Variants in PMM2 observed in about 807,000 individuals in gnomAD.
The protein encoded by PMM2 is phosphomannomutase 2.
In PMM2, 35 loss-of-function variants were observed where a neutral mutation model predicts 33.2. The observed-to-expected ratio is 1.06, with a 90% confidence interval of 0.81 to 1.40. The LOEUF is 1.40. Ranked by LOEUF, PMM2 falls within the 40% of genes most tolerant of loss-of-function variation. The probability of loss-of-function intolerance (pLI) is 0.00; values close to 1 mark genes in which losing one functional copy is unlikely to be tolerated. For missense variants in PMM2, 386 were observed against 306.0 expected (o/e 1.26, Z -1.95); for synonymous variants, 153 against 114.7 (o/e 1.33, Z -2.13).
At chr16:8,829,035 T>TG (rs2060794357) in intron 7 of PMM2, among the ~76,000 whole-genome samples, 1 of 152,138 alleles carries the variant, frequency 6.6e-6, no homozygotes, top group Non-Finnish European at 1.5e-5. Context: ...TGGAGTGCAG[T>TG]GGTGCGATCT....
At chr16:8,833,731 G>C (rs1319968880) in intron 7 of PMM2, among the ~76,000 whole-genome samples, 1 of 151,598 alleles carries the variant, frequency 6.6e-6, no homozygotes, top group Non-Finnish European at 1.5e-5. Flanking sequence ...GGTTTTGGAT[G>C]AATTCAGAAA....
chr16:8,818,480 A>G (rs755669649), intron 7 of PMM2, among the ~76,000 whole-genome samples: 5 of 152,158 alleles, frequency 3.3e-5, no homozygotes, highest in Non-Finnish European at 7.3e-5. Context: ...TACACTTTGC[A>G]TTTTCAGTGA....
At position 8,811,167 on chromosome 16, in the gene PMM2, G is replaced by T; in HGVS notation, c.436G>T (p.Glu146Ter). Reference protein sequence around the residue: ...CSQEERIEFYELDKKENIRQK... With the variant: ...CSQEERIEFY ...CCAAGAAGAACGCATTGAGTTCTAC[G>T]AACTCGATAAAGTACGTCTTTCTGA... The change falls in exon 5 of 8, where the codon GAA (glutamate) becomes TAA (stop). Residue 146 changes from glutamate (E) to a stop codon, truncating the protein, a stop_gained. Transcript: ENST00000268261. LOFTEE classifies it high-confidence loss of function. 1.3e-6 allele frequency: 2 copies of T among 1,558,092 alleles called. No homozygotes were observed. The highest frequency in any genetic ancestry group is 1.7e-6 in the Non-Finnish European group (2 of 1,144,064).
intron 7 of PMM2, among the ~76,000 whole-genome samples, chr16:8,841,276 G>A (rs1307980147): frequency 1.3e-5 from 2 of 151,048 alleles, no homozygotes; most frequent in African/African-American, 4.9e-5. Context: ...GTATAGAGGT[G>A]GGAAGGCTAA....
At chr16:8,808,337 C>T (rs555948428) in intron 4 of PMM2, 33 of 151,992 alleles carry the variant, frequency 2.2e-4, no homozygotes, top group African/African-American at 7.7e-4. Flanking sequence ...AGGTCAGTTC[C>T]ATTTTTACTT....
chr16:8,811,318 C>T, intron 5 of PMM2, 140 bp downstream of exon 5: 1 of 710,660 alleles, frequency 1.4e-6, no homozygotes, highest in Non-Finnish European at 2.5e-6. Flanking sequence ...GAGTTCAAGA[C>T]CAGCCTAGGC....
At chr16:8,833,772 G>A (rs1483795623) in intron 7 of PMM2, among the ~76,000 whole-genome samples, 1 of 152,076 alleles carries the variant, frequency 6.6e-6, no homozygotes, top group Non-Finnish European at 1.5e-5. Flanking sequence ...AGAAAAACAG[G>A]TATAAAAGGT....
At chr16:8,804,923 G>A in intron 3 of PMM2, 80 bp downstream of exon 3, 1 of 859,074 alleles carries the variant, frequency 1.2e-6, no homozygotes, top group Non-Finnish European at 2.0e-6. Context: ...ATGCCTCTAG[G>A]AAGATGAGGA....
intron 7 of PMM2, among the ~76,000 whole-genome samples, chr16:8,844,780 A>G (rs943148230): frequency 1.3e-5 from 2 of 152,224 alleles, no homozygotes; most frequent in Non-Finnish European, 2.9e-5. Context: ...AGGAATTGAA[A>G]TTAAGAGAAG....
At chr16:8,802,891 T>C (rs1247585157) in intron 2 of PMM2, among the ~76,000 whole-genome samples, 1 of 152,110 alleles carries the variant, frequency 6.6e-6, no homozygotes, top group Non-Finnish European at 1.5e-5. Flanking sequence ...TTAACCCCTG[T>C]TGTCCCCAGA....
intron 3 of PMM2, among the ~76,000 whole-genome samples, chr16:8,805,881 C>T (rs901296434): frequency 6.6e-6 from 1 of 152,126 alleles, no homozygotes; most frequent in African/African-American, 2.4e-5. Context: ...TGAGCTGCCA[C>T]GCCTGGGCAC....
At chr16:8,839,865 A>T (rs1167056278) in intron 7 of PMM2, among the ~76,000 whole-genome samples, 1 of 19,454 alleles carries the variant, frequency 5.1e-5, no homozygotes, top group Non-Finnish European at 1.6e-4. Context: ...AGGTCCGAAT[A>T]TGGGGGGAGA....
chr16:8,803,530 T>G (rs1037707205), intron 2 of PMM2, among the ~76,000 whole-genome samples: 7 of 152,184 alleles, frequency 4.6e-5, no homozygotes, highest in African/African-American at 1.7e-4. Context: ...GGAAGCTTAT[T>G]AAAATATGAG....
rs564369571 is a variant in PMM2 at position 8,848,773 on chromosome 16, G to C, written c.*948G>C. The C allele has an allele frequency of 1.3e-5, 2 of 152,328 alleles. No homozygotes were observed. Among genetic ancestry groups the C allele is most frequent in the East Asian group, 3.9e-4 (2 of 5,176 alleles). The allele number at this position is 152,328 out of a possible 1,614,324, so 9.4% of individuals were successfully genotyped here. A position where few individuals can be genotyped will look rare whatever the true frequency, so the allele number is the denominator to read the frequency against. On this transcript the variant is annotated 3_prime_UTR_variant, in exon 8 of 8. Coordinates refer to ENST00000268261, the MANE Select transcript of PMM2 (RefSeq NM_000303.3). The stretch of plus-strand genomic sequence containing the variant: ...GAGCCCAGCCAGAGAACAGTAAGAG[G>C]AGCTGCTCTCCTATCTGCACTCACC...
chr16:8,821,766 A>T (rs569993172), intron 7 of PMM2, among the ~76,000 whole-genome samples: 1 of 152,336 alleles, frequency 6.6e-6, no homozygotes, highest in East Asian at 1.9e-4. Context: ...CTAGATTCTA[A>T]GTCACTGGTG....
intron 7 of PMM2, among the ~76,000 whole-genome samples, chr16:8,818,467 C>T (rs1014295241): frequency 5.9e-5 from 9 of 152,180 alleles, no homozygotes; most frequent in Admixed American, 2.0e-4. Context: ...CAAATACTAG[C>T]CTTACACTTT....
At chr16:8,809,665 C>G (rs1191144326) in intron 4 of PMM2, 2 of 152,040 alleles carry the variant, frequency 1.3e-5, no homozygotes, top group African/African-American at 4.8e-5. Flanking sequence ...GTTGGCCAGG[C>G]TGGTCTTGAC....
chr16:8,832,101 C>A (rs1316365823), intron 7 of PMM2: 1 of 977,748 alleles, frequency 1.0e-6, no homozygotes, highest in Non-Finnish European at 1.2e-6. Context: ...CATTTGGGGT[C>A]CGCTTCACTT....
chr16:8,800,825 A>G (rs936951063), intron 1 of PMM2, among the ~76,000 whole-genome samples: 1 of 152,116 alleles, frequency 6.6e-6, no homozygotes, highest in Non-Finnish European at 1.5e-5. Flanking sequence ...CTGGGACTAC[A>G]GGCGCCCACC....
Sources: gnomAD v4.1 joint callset for allele counts (sites outside exome capture counted in the v4.1 genomes callset) on GRCh38, gnomAD v4.1.1 for gene constraint, MANE v1.5 for transcripts, NCBI Gene and HGNC (gene_info 2026-07-23, HGNC 2026-07-21) for gene names.